Variants in TNR observed in about 807,000 individuals in gnomAD.
TNR encodes tenascin-R.
TNR carries 45 observed loss-of-function variants against 150.4 expected under a neutral mutation model. The observed-to-expected ratio is 0.30, with a 90% CI of 0.24 to 0.38. The LOEUF (loss-of-function observed/expected upper bound fraction) is 0.38. Ranked by LOEUF, TNR falls within the 10% of genes least tolerant of loss-of-function variation. TNR has a pLI of 1.00. For missense variants in TNR, 1,544 were observed against 1,759.1 expected (o/e 0.88, Z 2.19); for synonymous variants, 687 against 678.4 (o/e 1.01, Z -0.20).
chr1:175,653,472 G>T (rs1471620691), intron 1 of TNR, among the ~76,000 whole-genome samples: 1 of 152,140 alleles, frequency 6.6e-6, no homozygotes, highest in African/African-American at 2.4e-5. Flanking sequence ...AAAACAGCAG[G>T]TGTCCAAGGA....
intron 1 of TNR, among the ~76,000 whole-genome samples, chr1:175,641,701 C>T (rs1290257409): frequency 6.6e-6 from 1 of 151,988 alleles, no homozygotes. Context: ...CTAATATGGC[C>T]CTTTGTTCAT....
chr1:175,671,792 A>G (rs1665704081), intron 1 of TNR, among the ~76,000 whole-genome samples: 2 of 152,086 alleles, frequency 1.3e-5, no homozygotes, highest in South Asian at 4.1e-4. Context: ...TGATCCTACT[A>G]GGCACATAAA....
At chr1:175,670,469 A>T (rs1157912970) in intron 1 of TNR, among the ~76,000 whole-genome samples, 1 of 152,218 alleles carries the variant, frequency 6.6e-6, no homozygotes, top group Non-Finnish European at 1.5e-5. Context: ...GAGCTCAGAG[A>T]GTTTGGTAAG....
intron 1 of TNR, among the ~76,000 whole-genome samples, chr1:175,714,201 C>G (rs1667093282): frequency 6.6e-6 from 1 of 152,038 alleles, no homozygotes; most frequent in Admixed American, 6.5e-5. Context: ...CTGCTGTCCT[C>G]AGATCTCCTT....
intron 1 of TNR, among the ~76,000 whole-genome samples, chr1:175,618,530 T>G (rs1663853183): frequency 6.6e-6 from 1 of 152,188 alleles, no homozygotes; most frequent in Non-Finnish European, 1.5e-5. Context: ...GCAGTTCTTT[T>G]TCACATGGGG....
chr1:175,431,304 G>A (rs890780481), intron 2 of TNR, among the ~76,000 whole-genome samples: 6 of 152,182 alleles, frequency 3.9e-5, no homozygotes, highest in African/African-American at 9.7e-5. Context: ...CAACTATGTG[G>A]TGCTGAGAAA....
intron 18 of TNR, among the ~76,000 whole-genome samples, chr1:175,345,546 T>C (rs1168468631): frequency 6.6e-6 from 1 of 152,124 alleles, no homozygotes; most frequent in Non-Finnish European, 1.5e-5. Flanking sequence ...CAGTTTAAAG[T>C]AAGAATACAG....
At chr1:175,436,410 T>C (rs1420557614) in intron 2 of TNR, among the ~76,000 whole-genome samples, 1 of 152,238 alleles carries the variant, frequency 6.6e-6, no homozygotes, top group Admixed American at 6.5e-5. Flanking sequence ...ACTGATACCC[T>C]TTCTTCCAGT....
chr1:175,355,715 C>G, intron 16 of TNR, 82 bp from the exon 17 acceptor site: 1 of 1,580,804 alleles, frequency 6.3e-7, no homozygotes, highest in East Asian at 2.3e-5. Flanking sequence ...GTATCTGTTG[C>G]CCACCTCTTT....
intron 1 of TNR, among the ~76,000 whole-genome samples, chr1:175,540,289 G>A (rs1440789888): frequency 6.6e-6 from 1 of 152,204 alleles, no homozygotes; most frequent in Non-Finnish European, 1.5e-5. Flanking sequence ...CCCTGCAGCT[G>A]AGCACCACTG....
chr1:175,393,158 T>C (rs1301331616), intron 6 of TNR, among the ~76,000 whole-genome samples: 1 of 152,136 alleles, frequency 6.6e-6, no homozygotes. Context: ...AAAGTTAGTT[T>C]TAGAATTAAG....
intron 2 of TNR, among the ~76,000 whole-genome samples, chr1:175,417,053 A>AAGAAAGAAAGAAAGAAAGAAAGAAAG (rs1654514771): frequency 9.7e-6 from 1 of 102,868 alleles, no homozygotes; most frequent in African/African-American, 3.4e-5. Flanking sequence ...GAAAGAAAGA[A>AAGAAAGAAAGAAAGAAAGAAAGAAAG]AGAAAGAAAG....
Position 175,741,377 on chromosome 1 carries a change from G to A in TNR, c.-165+1849C>T, listed in dbSNP as rs1055456702. ...GCATTAATGAGATAATGACTACTAA[G>A]TATGGTGACTTCAGTAATAAACTGT... On this transcript the variant is annotated intron_variant, in intron 1 of 22. Transcript: ENST00000367674. Among the ~76,000 whole-genome samples, 5 of 152,172 alleles carry A rather than the reference G, an allele frequency of 3.3e-5. No homozygotes were observed. The South Asian group carries it at 1.0e-3, about 31-fold the overall frequency.
intron 2 of TNR, among the ~76,000 whole-genome samples, chr1:175,451,238 T>C (rs1334919947): frequency 1.3e-5 from 2 of 150,382 alleles, no homozygotes; most frequent in Non-Finnish European, 3.0e-5. Context: ...TTTTTTATTA[T>C]ACTTTAAGTT....
At chr1:175,677,306 C>T (rs1466719621) in intron 1 of TNR, among the ~76,000 whole-genome samples, 3 of 152,190 alleles carry the variant, frequency 2.0e-5, no homozygotes, top group African/African-American at 7.2e-5. Flanking sequence ...CCCCTTTGGC[C>T]TCTAAGCAAC....
At chr1:175,575,929 G>A (rs148154647) in intron 1 of TNR, among the ~76,000 whole-genome samples, 3 of 152,306 alleles carry the variant, frequency 2.0e-5, no homozygotes, top group African/African-American at 7.2e-5. Flanking sequence ...AAAGGAAAAG[G>A]TGTGGCAAAG....
intron 1 of TNR, among the ~76,000 whole-genome samples, chr1:175,722,385 G>A (rs1667329381): frequency 6.6e-6 from 1 of 152,140 alleles, no homozygotes; most frequent in South Asian, 2.1e-4. Context: ...GGTCATGAAT[G>A]GACGCCAATA....
intron 2 of TNR, among the ~76,000 whole-genome samples, chr1:175,464,609 G>A (rs1009926336): frequency 6.6e-6 from 1 of 152,160 alleles, no homozygotes; most frequent in Non-Finnish European, 1.5e-5. Flanking sequence ...AATTGGCTGA[G>A]CAAAGGTTAT....
chr1:175,440,029 A>G (rs1232268443), intron 2 of TNR, among the ~76,000 whole-genome samples: 2 of 152,230 alleles, frequency 1.3e-5, no homozygotes, highest in Admixed American at 6.5e-5. Flanking sequence ...TATTGGGTAT[A>G]TACCCAAAGG....
Sources: allele counts gnomAD v4.1 joint callset (sites outside exome capture counted in the v4.1 genomes callset), GRCh38; gene constraint gnomAD v4.1.1; transcripts MANE v1.5; gene names NCBI Gene and HGNC (gene_info 2026-07-23, HGNC 2026-07-21).